Variants in B3GALT1 observed in about 807,000 individuals in gnomAD.
The protein encoded by B3GALT1 is beta-1,3-galactosyltransferase 1, also known as UDP-Gal:betaGlcNAc beta 1,3-galactosyltransferase, polypeptide 1.
B3GALT1 carries 10 observed loss-of-function variants against 23.2 expected under a neutral mutation model. The ratio of observed to expected loss-of-function variants is 0.43; its 90% CI spans 0.27 to 0.73. The LOEUF is 0.73. Ranked by LOEUF, B3GALT1 falls within the 30% of genes least tolerant of loss-of-function variation. The pLI, the probability that B3GALT1 is intolerant of heterozygous loss-of-function variation, is 0.21. For synonymous variants in B3GALT1, 156 were observed against 141.5 expected (o/e 1.10, Z -0.73); for missense variants, 299 against 405.4 (o/e 0.74, Z 2.25).
chr2:167,656,744 T>C (rs1685961913), intron 3 of B3GALT1, among the ~76,000 whole-genome samples: 1 of 152,188 alleles, frequency 6.6e-6, no homozygotes, highest in African/African-American at 2.4e-5. Context: ...GATTATAGTG[T>C]ATAATCTATA....
intron 2 of B3GALT1, among the ~76,000 whole-genome samples, chr2:167,533,994 A>G (rs191910238): frequency 6.8e-6 from 1 of 146,790 alleles, no homozygotes; most frequent in African/African-American, 2.6e-5. Context: ...TTGCTGTTGA[A>G]AAGTTTGTTT....
intron 3 of B3GALT1, among the ~76,000 whole-genome samples, chr2:167,721,194 C>T (rs1687227514): frequency 6.6e-6 from 1 of 152,128 alleles, no homozygotes; most frequent in South Asian, 2.1e-4. Context: ...TGTGCTAAAG[C>T]AAATACACAG....
At chr2:167,704,137 C>T (rs1047361408) in intron 3 of B3GALT1, among the ~76,000 whole-genome samples, 9 of 142,166 alleles carry the variant, frequency 6.3e-5, no homozygotes, top group Admixed American at 5.9e-4. Context: ...GCCGAGATCG[C>T]ACCACTGCAC....
chr2:167,366,212 C>T (rs1697581859), intron 1 of B3GALT1, among the ~76,000 whole-genome samples: 1 of 151,994 alleles, frequency 6.6e-6, no homozygotes, highest in Non-Finnish European at 1.5e-5. Context: ...CTGTGGCTTA[C>T]CAACTTAAAA....
intron 3 of B3GALT1, among the ~76,000 whole-genome samples, chr2:167,741,151 A>G (rs1687571719): frequency 6.6e-6 from 1 of 152,172 alleles, no homozygotes; most frequent in African/African-American, 2.4e-5. Flanking sequence ...GTTTGTATCT[A>G]TATAGGCCAG....
At chr2:167,426,301 G>T in intron 1 of B3GALT1, among the ~76,000 whole-genome samples, 1 of 148,788 alleles carries the variant, frequency 6.7e-6, no homozygotes. Context: ...TTGAGATGGA[G>T]TCTTGCTCTG....
At chr2:167,375,666 A>G (rs1200887215) in intron 1 of B3GALT1, among the ~76,000 whole-genome samples, 1 of 152,108 alleles carries the variant, frequency 6.6e-6, no homozygotes, top group Non-Finnish European at 1.5e-5. Context: ...TAGAAATGCT[A>G]CTGATTTTTG....
intron 1 of B3GALT1, among the ~76,000 whole-genome samples, chr2:167,340,655 C>T (rs556709133): frequency 3.1e-4 from 47 of 152,286 alleles, no homozygotes; most frequent in Non-Finnish European, 5.9e-4. Context: ...TTCATGGCTC[C>T]TTTAAGATTA....
rs146418706 is a variant in B3GALT1, at chr2:167,690,059, T to G, written c.-352+43093T>G. ...AGACATGCAGAAAGCCACATTTATC[T>G]GTTTGCATATTAGAGACATCCTGAA... On this transcript the variant is annotated intron_variant, in intron 3 of 4. Coordinates refer to ENST00000392690, the MANE Select transcript of B3GALT1 (RefSeq NM_020981.4). Among the ~76,000 whole-genome samples, 27 of 152,314 alleles carry G rather than the reference T, an allele frequency of 1.8e-4. No homozygotes were observed. In the East Asian group the frequency reaches 3.5e-3, roughly 20 times the overall value.
chr2:167,666,734 T>TGGTTTAAAGTCTGTTTTATCAGAGACTA (rs1686198235), intron 3 of B3GALT1, among the ~76,000 whole-genome samples: 2 of 152,190 alleles, frequency 1.3e-5, no homozygotes, highest in South Asian at 4.1e-4. Flanking sequence ...TTATCTTTGT[T>TGGTTTAAAGTCTGTTTTATCAGAGACTA]GGTTTAAAGT....
chr2:167,466,723 T>C lies in B3GALT1; in HGVS notation c.-510-23454T>C, dbSNP rs181998688. On this transcript the variant is annotated intron_variant, in intron 1 of 4. Coordinates refer to ENST00000392690, the MANE Select transcript of B3GALT1 (RefSeq NM_020981.4). ...TAATTTTTAACTATTATCACTCTTT[T>C]GTTTTTGGAGACAGAGTCTTGCTCT... Among the ~76,000 whole-genome samples the C allele has an allele frequency of 2.6e-5, 4 of 151,560 alleles. No homozygotes were observed. The East Asian group carries it at 7.8e-4, about 30-fold the overall frequency.
chr2:167,819,920 T>C (rs1457851586), intron 4 of B3GALT1, among the ~76,000 whole-genome samples: 1 of 152,184 alleles, frequency 6.6e-6, no homozygotes, highest in African/African-American at 2.4e-5. Context: ...ACTGACAGCA[T>C]TGGAAGGAAT....
At chr2:167,448,855 T>C (rs976703943) in intron 1 of B3GALT1, among the ~76,000 whole-genome samples, 1 of 152,170 alleles carries the variant, frequency 6.6e-6, no homozygotes, top group African/African-American at 2.4e-5. Context: ...TTGAATAGGG[T>C]GTGCTTTCTC....
intron 1 of B3GALT1, among the ~76,000 whole-genome samples, chr2:167,391,739 C>G (rs1179549273): frequency 6.6e-6 from 1 of 151,942 alleles, no homozygotes; most frequent in Non-Finnish European, 1.5e-5. Context: ...TTCTACAGTC[C>G]CAGTTTTGGT....
chr2:167,579,867 A>C (rs920127530), intron 2 of B3GALT1, among the ~76,000 whole-genome samples: 1 of 152,278 alleles, frequency 6.6e-6, no homozygotes, highest in South Asian at 2.1e-4. Flanking sequence ...TTAAAAATCA[A>C]TTCCTAGATG....
chr2:167,298,584 ATACTC>A (rs1259399893), intron 1 of B3GALT1, among the ~76,000 whole-genome samples: 3 of 152,122 alleles, frequency 2.0e-5, no homozygotes, highest in African/African-American at 7.2e-5. Flanking sequence ...ACAGATGTAT[ATACTC>A]TATATACATA....
chr2:167,777,565 CT>C (rs1247815083), intron 3 of B3GALT1, among the ~76,000 whole-genome samples: 1 of 152,148 alleles, frequency 6.6e-6, no homozygotes, highest in African/African-American at 2.4e-5. Flanking sequence ...CCAGGCTGGT[CT>C]CAAACTCCTG....
intron 3 of B3GALT1, among the ~76,000 whole-genome samples, chr2:167,799,407 C>T (rs836675): frequency 0.17 from 26,226 of 152,026 alleles, 2,514 homozygotes; most frequent in East Asian, 0.37. Context: ...GTACCCTTGG[C>T]TTAGCTCCCT....
intron 2 of B3GALT1, among the ~76,000 whole-genome samples, chr2:167,558,670 C>G (rs549101634): frequency 2.0e-5 from 3 of 152,200 alleles, no homozygotes; most frequent in Non-Finnish European, 4.4e-5. Context: ...GCACCTGGCT[C>G]GGAGGTTCCT....
Sources: gnomAD v4.1 joint callset for allele counts (sites outside exome capture counted in the v4.1 genomes callset) on GRCh38, gnomAD v4.1.1 for gene constraint, MANE v1.5 for transcripts, NCBI Gene and HGNC (gene_info 2026-07-23, HGNC 2026-07-21) for gene names.